Variants in UBR3 observed in about 807,000 individuals in gnomAD.
The protein encoded by UBR3 is ubiquitin protein ligase E3 component n-recognin 3.
UBR3 carries 85 observed loss-of-function variants against 243.2 expected under a neutral mutation model. The observed-to-expected ratio is 0.35, with a 90% CI of 0.29 to 0.42. The LOEUF (loss-of-function observed/expected upper bound fraction) is 0.42. Ranked by LOEUF, UBR3 falls within the 10% of genes least tolerant of loss-of-function variation. The pLI is 1.00. For synonymous variants in UBR3, 748 were observed against 799.8 expected, an observed-to-expected ratio of 0.94 and a Z score of 1.09; for missense variants, 1,686 against 2,300.8, an observed-to-expected ratio of 0.73 and a Z score of 5.47.
At chr2:170,015,423 A>G (rs2090207082) in intron 30 of UBR3, 57 bp downstream of exon 30, 5 of 1,396,030 alleles carry the variant, frequency 3.6e-6, no homozygotes, top group Non-Finnish European at 5.0e-6. Flanking sequence ...GGAAGCATTG[A>G]CAGGAAAAGT....
At position 169,886,365 on chromosome 2, in the gene UBR3, T is replaced by C. The variant is rs1228052385; in HGVS notation, c.1039-4800T>C. Among the ~76,000 whole-genome samples the C allele has an allele frequency of 2.6e-5, 4 of 152,286 alleles. No individual in the cohort carries two copies. In the East Asian group the frequency reaches 7.7e-4, roughly 29 times the overall value. On this transcript the variant is annotated intron_variant, in intron 5 of 38. Coordinates refer to ENST00000272793, the MANE Select transcript of UBR3 (RefSeq NM_172070.4). Reference sequence around the variant, plus strand: ...GACAGTTGGTAAGCCTCTCCATAAATACTTCCAATCGTAGGGAGCTTACCT... The same window carrying C: ...GACAGTTGGTAAGCCTCTCCATAAACACTTCCAATCGTAGGGAGCTTACCT...
At chr2:169,972,698 T>C (rs1441156028) in intron 24 of UBR3, among the ~76,000 whole-genome samples, 2 of 152,052 alleles carry the variant, frequency 1.3e-5, no homozygotes, top group East Asian at 3.9e-4. Context: ...GAAAAAGCCT[T>C]TGACAAAATT....
At position 169,927,318 on chromosome 2, in the gene UBR3, A is replaced by T; in HGVS notation, c.2339-2A>T. The T allele has an allele frequency of 6.5e-7, 1 of 1,547,226 alleles. No individual in the cohort carries two copies. Among genetic ancestry groups the T allele is most frequent in the Non-Finnish European group, 8.7e-7 (1 of 1,145,486 alleles). ...TGTTAATTCCGTTTTTAATAATTTT[A>T]GGAATGTCTGATGATGAGATTCTCA... On this transcript the variant is annotated splice_acceptor_variant, in intron 16 of 38. Transcript: ENST00000272793. LOFTEE classifies it high-confidence loss of function.
chr2:169,862,268 A>T (rs1344322440), intron 1 of UBR3, among the ~76,000 whole-genome samples: 1 of 151,926 alleles, frequency 6.6e-6, no homozygotes, highest in Non-Finnish European at 1.5e-5. Flanking sequence ...ACCCGTGTAG[A>T]TGGAATTTAA....
At chr2:170,014,751 A>G (rs2090185272) in intron 29 of UBR3, 1 of 152,732 alleles carries the variant, frequency 6.5e-6, no homozygotes, top group African/African-American at 2.4e-5. Context: ...CTGCTGTTAA[A>G]TTATATGTGT....
At chr2:169,922,217 T>G (rs2085730143) in intron 11 of UBR3, among the ~76,000 whole-genome samples, 3 of 140,820 alleles carry the variant, frequency 2.1e-5, no homozygotes, top group Non-Finnish European at 1.5e-5. Context: ...GCCCGGGAGG[T>G]GGAGGTTGCA....
chr2:169,834,615 C>A (rs928016176), intron 1 of UBR3, among the ~76,000 whole-genome samples: 1 of 152,162 alleles, frequency 6.6e-6, no homozygotes, highest in Non-Finnish European at 1.5e-5. Flanking sequence ...AAAGTTATAT[C>A]CCATTTCATC....
At chr2:169,876,926 A>G (rs1195494598) in intron 3 of UBR3, among the ~76,000 whole-genome samples, 1 of 152,098 alleles carries the variant, frequency 6.6e-6, no homozygotes, top group Non-Finnish European at 1.5e-5. Context: ...AGTAACAACC[A>G]TCATGTCTAT....
intron 31 of UBR3, among the ~76,000 whole-genome samples, chr2:170,034,455 C>A (rs1403955877): frequency 1.3e-5 from 2 of 151,952 alleles, no homozygotes; most frequent in African/African-American, 4.8e-5. Context: ...ACATTGGATT[C>A]TTTCATTTGG....
rs780019082 is a variant in UBR3 at position 169,994,320 on chromosome 2, T to C, written c.3785-3T>C. 1.7e-5 allele frequency: 28 copies of C among 1,613,962 alleles called. No individual in the cohort carries two copies. The highest frequency in any genetic ancestry group is 2.7e-5 in the African/African-American group (2 of 74,924). ...ATTAATGAGCTTTTATCTGTTAATG[T>C]AGTTTTGGGGCAGTGCCGTGACAAT... On this transcript the variant is annotated splice_region_variant and splice_polypyrimidine_tract_variant and intron_variant, in intron 25 of 38. Transcript: ENST00000272793.
At chr2:169,918,349 T>C (rs1467011936) in intron 11 of UBR3, among the ~76,000 whole-genome samples, 2 of 151,626 alleles carry the variant, frequency 1.3e-5, no homozygotes, top group African/African-American at 4.8e-5. Context: ...TTTCCTCATC[T>C]ATTGAAGGTG....
At chr2:169,853,177 G>A (rs1296948742) in intron 1 of UBR3, among the ~76,000 whole-genome samples, 1 of 152,166 alleles carries the variant, frequency 6.6e-6, no homozygotes, top group Admixed American at 6.6e-5. Context: ...AAATGGTGCT[G>A]TCCTTAGCTG....
intron 8 of UBR3, among the ~76,000 whole-genome samples, chr2:169,904,300 A>G (rs1011191266): frequency 1.3e-5 from 2 of 152,238 alleles, no homozygotes; most frequent in African/African-American, 4.8e-5. Context: ...AATTGACTCT[A>G]GGTAACCATA....
intron 32 of UBR3, among the ~76,000 whole-genome samples, chr2:170,049,376 G>A (rs2091164364): frequency 6.6e-6 from 1 of 152,046 alleles, no homozygotes; most frequent in Non-Finnish European, 1.5e-5. Flanking sequence ...GAAGAGGAAG[G>A]GTTGATCTTG....
intron 24 of UBR3, among the ~76,000 whole-genome samples, chr2:169,976,278 T>G (rs1478772718): frequency 2.6e-5 from 4 of 152,132 alleles, no homozygotes; most frequent in African/African-American, 9.7e-5. Context: ...TCATTGTGTT[T>G]TAGTGATTTT....
chr2:169,868,842 A>G (rs779608704), intron 1 of UBR3, among the ~76,000 whole-genome samples: 2 of 152,186 alleles, frequency 1.3e-5, no homozygotes, highest in Non-Finnish European at 2.9e-5. Context: ...AATTCTTTTC[A>G]GAGTTGGTTT....
At chr2:170,039,194 T>C (rs529095329) in intron 31 of UBR3, among the ~76,000 whole-genome samples, 1 of 152,268 alleles carries the variant, frequency 6.6e-6, no homozygotes, top group Admixed American at 6.5e-5. Flanking sequence ...AGAAGGTAAC[T>C]TGGGACAGTG....
chr2:170,064,881 C>T lies in UBR3; in HGVS notation c.5019+3438C>T, dbSNP rs1183634699. 1.5e-4 allele frequency among the ~76,000 whole-genome samples: 21 copies of T among 143,816 alleles called. No individual in the cohort carries two copies. In the Admixed American group the frequency reaches 1.6e-3, roughly 11 times the overall value. The allele number at this position is 143,816 out of a possible 152,430, so 94.3% of individuals were successfully genotyped here. On this transcript the variant is annotated intron_variant, in intron 35 of 38. Coordinates refer to ENST00000272793, the MANE Select transcript of UBR3 (RefSeq NM_172070.4). The stretch of plus-strand genomic sequence containing the variant: ...TTTTTGAGACAGAGACTCGCTTTGT[C>T]GCCCAGGCTGGAGTGCAGTGGCGCG...
chr2:170,073,382 G>A, intron 35 of UBR3, 46 bp from the exon 36 acceptor site: 5 of 1,603,768 alleles, frequency 3.1e-6, no homozygotes, highest in South Asian at 1.1e-5. Flanking sequence ...AATAGGAAAT[G>A]TTCTTGATGA....
Sources: allele counts gnomAD v4.1 joint callset (sites outside exome capture counted in the v4.1 genomes callset), GRCh38; gene constraint gnomAD v4.1.1; transcripts MANE v1.5; gene names NCBI Gene and HGNC (gene_info 2026-07-23, HGNC 2026-07-21).